DEFA4: variants seen among roughly 807,000 people sequenced by gnomAD.
DEFA4 encodes corticostatin.
Under a neutral mutation model 4.4 loss-of-function variants are expected in DEFA4, and 8 were observed. The observed-to-expected ratio is 1.82, with a 90% CI of 1.07 to 3.29. The LOEUF (loss-of-function observed/expected upper bound fraction) is 3.29, where lower values mean the gene tolerates loss of function less well. Ranked by LOEUF, DEFA4 falls within the 30% of genes most tolerant of loss-of-function variation. DEFA4 has a pLI of 0.00. For missense variants in DEFA4, 216 were observed against 127.0 expected, an observed-to-expected ratio of 1.70 and a Z score of -3.37; for synonymous variants, 77 against 46.5, an observed-to-expected ratio of 1.66 and a Z score of -2.67.
intron 1 of DEFA4, 66 bp from the exon 2 acceptor site, chr8:6,936,977 C>T: frequency 7.4e-7 from 1 of 1,342,648 alleles, no homozygotes; most frequent in Non-Finnish European, 9.8e-7. Flanking sequence ...TATAGCTTTG[C>T]TGGGAGAAGG....
chr8:6,937,986 C>T (rs930887517), intron 1 of DEFA4, among the ~76,000 whole-genome samples: 3 of 152,138 alleles, frequency 2.0e-5, no homozygotes, highest in East Asian at 1.9e-4. Context: ...AAGCTGTGAT[C>T]GTCTTTATTG....
chr8:6,937,054 G>A (rs979637064), intron 1 of DEFA4, 143 bp from the exon 2 acceptor site: 2 of 623,816 alleles, frequency 3.2e-6, no homozygotes, highest in South Asian at 3.1e-5. Flanking sequence ...AGAGGATGCC[G>A]ACTCCTATTG....
In DEFA4 at chr8:6,936,024, T is replaced by C; in HGVS notation, c.290A>G (p.Asp97Gly). The change falls in exon 3 of 3, where the codon GAT becomes GGT. Residue 97 changes from aspartate to glycine, a missense_variant. Transcript: ENST00000297435. ...ATTCTCTTGGACAGCAGAACGTTAA[T>C]CGACACGCGTGCAGCAGTATGTGAA... ...VSFTYCCTRV[D>G] 1 of 1,613,812 alleles carries C rather than the reference T, an allele frequency of 6.2e-7. No homozygotes were observed. The highest frequency in any genetic ancestry group is 1.7e-4 in the Middle Eastern group (1 of 6,060).
chr8:6,936,638 A>C, intron 2 of DEFA4, 90 bp downstream of exon 2: 1 of 1,350,264 alleles, frequency 7.4e-7, no homozygotes, highest in Non-Finnish European at 9.9e-7. Context: ...AAGCCACCTA[A>C]GTGACATCCA....
chr8:6,937,665 T>C (rs1808914295), intron 1 of DEFA4, among the ~76,000 whole-genome samples: 3 of 152,036 alleles, frequency 2.0e-5, no homozygotes, highest in African/African-American at 7.2e-5. Context: ...AAGATAAAGC[T>C]TTGGACATTG....
chr8:6,938,180 C>A (rs1198177185), intron 1 of DEFA4, 46 bp downstream of exon 1: 1 of 152,122 alleles, frequency 6.6e-6, no homozygotes, highest in Non-Finnish European at 1.5e-5. Context: ...GACACAGCTT[C>A]AATATTGAAA....
chr8:6,937,631 A>G (rs1434706406), intron 1 of DEFA4, among the ~76,000 whole-genome samples: 1 of 152,216 alleles, frequency 6.6e-6, no homozygotes, highest in African/African-American at 2.4e-5. Context: ...ACCTGAAACC[A>G]TACAACTACG....
rs779160387 is a variant in DEFA4, at chr8:6,936,909, G to A, written c.-10C>T. On this transcript the variant is annotated splice_region_variant and 5_prime_UTR_variant, in exon 2 of 3. Transcript: ENST00000297435. ...GGGCGATAATCCTCATGGCTGGGGT[G>A]ACCTGGAGGAGGGAGAGCAGGAGCA... 1.9e-5 allele frequency: 30 copies of A among 1,582,118 alleles called. No individual in the cohort carries two copies. The South Asian group carries it at 3.2e-4, about 17-fold the overall frequency.
At position 6,936,927 on chromosome 8, in the gene DEFA4, C is replaced by T; in HGVS notation, c.-12-16G>A. 1.3e-6 allele frequency: 2 copies of T among 1,546,488 alleles called. No individual in the cohort carries two copies. The highest frequency in any genetic ancestry group is 1.8e-6 in the Non-Finnish European group (2 of 1,141,696). The stretch of plus-strand genomic sequence containing the variant: ...CTGGGGTGACCTGGAGGAGGGAGAG[C>T]AGGAGCAGCTGTGTGGGGAGGGAGA... On this transcript the variant is annotated splice_polypyrimidine_tract_variant and intron_variant, in intron 1 of 2. Coordinates refer to ENST00000297435, the MANE Select transcript of DEFA4 (RefSeq NM_001925.3).
intron 1 of DEFA4, among the ~76,000 whole-genome samples, chr8:6,938,001 T>C (rs1294402798): frequency 6.6e-6 from 1 of 152,194 alleles, no homozygotes; most frequent in African/African-American, 2.4e-5. Flanking sequence ...TTATTGGACA[T>C]GTCAAGTAGG....
Position 6,936,721 on chromosome 8 carries a change from C to G in DEFA4, c.172+7G>C. 6.3e-7 allele frequency: 1 copy of G among 1,585,916 alleles called. No individual in the cohort carries two copies. The highest frequency in any genetic ancestry group is 8.6e-7 in the Non-Finnish European group (1 of 1,162,330). On this transcript the variant is annotated splice_region_variant and intron_variant, in intron 2 of 2. Transcript: ENST00000297435. The stretch of plus-strand genomic sequence containing the variant: ...CTCGGTAGCTTTTTTATGCTGGCCT[C>G]TCTCACCTGAAACCTGAAGAGCAGA...
Position 6,937,745 on chromosome 8 carries a change from C to G in DEFA4, c.-13+481G>C, listed in dbSNP as rs141999105. ...ATAAACAAATGGGAAAATAGACAAG[C>G]GGGGCTGCATTGAACGCTAAAGCAT... is the stretch of plus-strand genomic sequence containing the variant. On this transcript the variant is annotated intron_variant, in intron 1 of 2. Transcript: ENST00000297435. Among the ~76,000 whole-genome samples, 126 of 152,190 alleles carry G rather than the reference C, an allele frequency of 8.3e-4. 1 individual carries two copies. The South Asian group carries it at 0.012, about 15-fold the overall frequency.
At position 6,936,796 on chromosome 8, in the gene DEFA4, C is replaced by T. The variant is rs149266478; in HGVS notation, c.104G>A (p.Arg35His). The T allele has an allele frequency of 1.1e-4, 184 of 1,613,612 alleles. No homozygotes were observed. Among genetic ancestry groups the T allele is most frequent in the Middle Eastern group, 1.6e-4 (1 of 6,082 alleles). ...RGDEAPGQEQ[R>H]GPEDQDISIS... ...AGATATGTCCTGGTCTTCTGGCCCA[C>T]GCTGCTCCTGGCCTGGAGCCTCATC... is the stretch of plus-strand genomic sequence containing the variant. Residue 35 changes from arginine (R) to histidine (H), a missense_variant, in exon 2 of 3, where the codon CGT becomes CAT. Arg to His is a conservative substitution (Grantham distance 29). Transcript: ENST00000297435.
rs772958227 is a variant in DEFA4 at position 6,936,033 on chromosome 8, G to A, written c.281C>T (p.Thr94Met). Residue 94 changes from threonine to methionine, a missense_variant, in exon 3 of 3, where the codon ACG becomes ATG. Thr to Met is a moderately conservative substitution (Grantham distance 81). Coordinates refer to ENST00000297435, the MANE Select transcript of DEFA4 (RefSeq NM_001925.3). Reference protein sequence around the residue: ...IGGVSFTYCCTRVD With the variant: ...IGGVSFTYCCMRVD ...GACAGCAGAACGTTAATCGACACGC[G>A]TGCAGCAGTATGTGAAACTCACACC... 55 of 1,613,716 alleles carry A rather than the reference G, an allele frequency of 3.4e-5. No homozygotes were observed. The highest frequency in any genetic ancestry group is 5.0e-5 in the Admixed American group (3 of 59,990).
At chr8:6,937,506 A>T (rs1458067249) in intron 1 of DEFA4, among the ~76,000 whole-genome samples, 1 of 152,186 alleles carries the variant, frequency 6.6e-6, no homozygotes, top group Non-Finnish European at 1.5e-5. Flanking sequence ...AGTGAGAGAG[A>T]TAAAGAGTTG....
rs535176181 is a variant in DEFA4, at chr8:6,936,587, A to C, written c.172+141T>G. ...CTTACATTTGTTTGTCTCTCTATTC[A>C]GTTTGGAGATAAGAAAATCGAGGCC... On this transcript the variant is annotated intron_variant, in intron 2 of 2. Coordinates refer to ENST00000297435, the MANE Select transcript of DEFA4 (RefSeq NM_001925.3). 99 of 779,008 alleles carry C rather than the reference A, an allele frequency of 1.3e-4. 1 individual carries two copies. The African/African-American group carries it at 1.7e-3, about 13-fold the overall frequency. 48.3% of individuals were successfully genotyped at this position (779,008 alleles called of 1,614,324 possible). A position where few individuals can be genotyped will look rare whatever the true frequency, so the allele number is the denominator to read the frequency against.
At chr8:6,937,119 T>C (rs1260534771) in intron 1 of DEFA4, among the ~76,000 whole-genome samples, 5 of 152,130 alleles carry the variant, frequency 3.3e-5, no homozygotes, top group Non-Finnish European at 7.4e-5. Flanking sequence ...CACAGGAAGC[T>C]CTATGTTTAG....
Position 6,936,918 on chromosome 8 carries a change from G to A in DEFA4, c.-12-7C>T, listed in dbSNP as rs551953196. ...TCCTCATGGCTGGGGTGACCTGGAGGAGGGAGAGCAGGAGCAGCTGTGTGG... is the reference window on the plus strand; with the variant it reads ...TCCTCATGGCTGGGGTGACCTGGAGAAGGGAGAGCAGGAGCAGCTGTGTGG... On this transcript the variant is annotated splice_polypyrimidine_tract_variant and splice_region_variant and intron_variant, in intron 1 of 2. Coordinates refer to ENST00000297435, the MANE Select transcript of DEFA4 (RefSeq NM_001925.3). The A allele has an allele frequency of 6.4e-7, 1 of 1,566,324 alleles. No individual in the cohort carries two copies. The highest frequency in any genetic ancestry group is 1.2e-5 in the South Asian group (1 of 84,416).
intron 2 of DEFA4, 34 bp from the exon 3 acceptor site, chr8:6,936,175 A>T (rs765611001): frequency 1.2e-6 from 2 of 1,610,776 alleles, no homozygotes; most frequent in African/African-American, 1.3e-5. Flanking sequence ...GAAATTAAGC[A>T]CCAAGGTCAG....
Sources: gnomAD v4.1 joint callset for allele counts (sites outside exome capture counted in the v4.1 genomes callset) on GRCh38, gnomAD v4.1.1 for gene constraint, MANE v1.5 for transcripts, NCBI Gene and HGNC (gene_info 2026-07-23, HGNC 2026-07-21) for gene names.